Variants in ZSCAN18 observed in about 807,000 individuals in gnomAD.
ZSCAN18 encodes the protein zinc finger and SCAN domain containing 18.
A neutral mutation model predicts 31.1 loss-of-function variants in ZSCAN18; 16 were observed. The ratio of observed to expected loss-of-function variants is 0.51; its 90% CI spans 0.35 to 0.78. The LOEUF (loss-of-function observed/expected upper bound fraction) is 0.78, where lower values mean the gene tolerates loss of function less well. Among genes scored for constraint, ZSCAN18 ranks in the 30% least tolerant of loss-of-function variants. The pLI is 0.01. For missense variants in ZSCAN18, 731 were observed against 697.4 expected (o/e 1.05, Z -0.54); for synonymous variants, 375 against 320.7 (o/e 1.17, Z -1.81).
chr19:58,112,043 T>C (rs2074687362), intron 1 of ZSCAN18, among the ~76,000 whole-genome samples: 1 of 152,194 alleles, frequency 6.6e-6, no homozygotes, highest in South Asian at 2.1e-4. Context: ...TATTTTACTT[T>C]TTTGTTTTTG....
chr19:58,108,069 T>C (rs528192108), intron 1 of ZSCAN18: 1 of 997,014 alleles, frequency 1.0e-6, no homozygotes, highest in Non-Finnish European at 1.2e-6. Context: ...CAGTGAAAGA[T>C]TTTTTCACAT....
At chr19:58,102,842 C>T (rs1353116635), upstream of ZSCAN18, among the ~76,000 whole-genome samples, 4 of 152,108 alleles carry the variant, frequency 2.6e-5, no homozygotes, top group African/African-American at 9.7e-5. Context: ...TAATAAAAGG[C>T]TGCCTGAGGC....
upstream of ZSCAN18, among the ~76,000 whole-genome samples, chr19:58,102,751 G>A (rs2074605556): frequency 6.7e-6 from 1 of 148,780 alleles, no homozygotes; most frequent in Admixed American, 6.9e-5. Flanking sequence ...ACTCTCACTA[G>A]TCATTCAATT....
At chr19:58,097,972 C>T in intron 1 of ZSCAN18, 1 of 985,476 alleles carries the variant, frequency 1.0e-6, no homozygotes, top group East Asian at 1.1e-4. Flanking sequence ...CAGCCACCTC[C>T]GGGGGGACCC....
In ZSCAN18 at chr19:58,089,878, G is replaced by A; in HGVS notation, c.390C>T (p.Val130=). 8.7e-6 allele frequency: 14 copies of A among 1,610,238 alleles called. No individual in the cohort carries two copies. Among genetic ancestry groups the A allele is most frequent in the Non-Finnish European group, 1.0e-5 (12 of 1,177,382 alleles). The change falls in exon 2 of 7, where the codon GTC becomes GTT. Residue 130 remains valine (V), a synonymous_variant. Transcript: ENST00000601144. The stretch of plus-strand genomic sequence containing the variant: ...GTGACAGCCCACCTGGCTCTTCCAG[G>A]ACATCAGCGAGGCCCTCCACCAGGG... ...AASLVEGLAD[V]LEEPGMLLGS...
chr19:58,113,579 G>T (rs977852386), intron 1 of ZSCAN18, among the ~76,000 whole-genome samples: 2 of 152,148 alleles, frequency 1.3e-5, no homozygotes, highest in Middle Eastern at 3.2e-3. Flanking sequence ...GGGGAGGCAG[G>T]TTTGCTTGAC....
At chr19:58,092,222 T>C (rs1403385611) in intron 1 of ZSCAN18, among the ~76,000 whole-genome samples, 1 of 152,120 alleles carries the variant, frequency 6.6e-6, no homozygotes, top group Admixed American at 6.6e-5. Flanking sequence ...CCACTTTAAA[T>C]AGGTAAACCT....
intron 1 of ZSCAN18, among the ~76,000 whole-genome samples, chr19:58,106,106 T>C (rs1341596045): frequency 1.3e-5 from 2 of 152,174 alleles, no homozygotes; most frequent in East Asian, 1.9e-4. Flanking sequence ...CTAGATGCCA[T>C]TAAGAGCATT....
chr19:58,088,372 G>A (rs534134445), intron 3 of ZSCAN18: 20 of 257,160 alleles, frequency 7.8e-5, no homozygotes, highest in Non-Finnish European at 1.1e-4. Context: ...GGAGACATGA[G>A]GGGACGTGCA....
At chr19:58,087,043 G>T in intron 4 of ZSCAN18, 35 bp from the exon 5 acceptor site, 2 of 1,532,756 alleles carry the variant, frequency 1.3e-6, no homozygotes, top group Non-Finnish European at 1.8e-6. Context: ...CCTCCCACCT[G>T]CCCTAGAGAA....
At position 58,112,002 on chromosome 19, in the gene ZSCAN18, C is replaced by G. The variant is rs114635203; in HGVS notation, c.130+6265G>C. Reference sequence around the variant, plus strand: ...TAAAAGCATTGGACAAAATTCCAAACCCGACCCCTGCCTTTCTTTACTTTT... The same window carrying G: ...TAAAAGCATTGGACAAAATTCCAAAGCCGACCCCTGCCTTTCTTTACTTTT... On this transcript the variant is annotated intron_variant, in intron 1 of 1. Transcript: ENST00000595721. Among the ~76,000 whole-genome samples, 617 of 152,240 alleles carry G rather than the reference C, an allele frequency of 4.1e-3. 4 individuals are homozygous for G. The highest frequency in any genetic ancestry group is 0.014 in the African/African-American group (588 of 41,550).
chr19:58,084,183 C>G lies in ZSCAN18; in HGVS notation c.*502G>C, dbSNP rs11550575. The G allele has an allele frequency of 4.3e-3, 655 of 152,870 alleles. 6 individuals are homozygous for G. The highest frequency in any genetic ancestry group is 0.015 in the African/African-American group (618 of 41,562). 9.5% of individuals were successfully genotyped at this position (152,870 alleles called of 1,614,324 possible). A position where few individuals can be genotyped will look rare whatever the true frequency, so the allele number is the denominator to read the frequency against. Reference sequence around the variant, plus strand: ...GAGCTACTCCATATAGGTAAACACACGCGAGGTAAACTAGGAAACAGCTTC... The same window carrying G: ...GAGCTACTCCATATAGGTAAACACAGGCGAGGTAAACTAGGAAACAGCTTC... On this transcript the variant is annotated 3_prime_UTR_variant, in exon 7 of 7. Coordinates refer to ENST00000601144, the MANE Select transcript of ZSCAN18 (RefSeq NM_001145543.2). The surrounding 1 kb of genome is among the most constrained non-coding windows in gnomAD (Gnocchi z 4.5).
chr19:58,092,740 T>C, intron 1 of ZSCAN18: 1 of 983,194 alleles, frequency 1.0e-6, no homozygotes, highest in Non-Finnish European at 1.2e-6. Flanking sequence ...AGCCATGCCG[T>C]GCCATCATCA....
In ZSCAN18 at chr19:58,090,303, G is replaced by C. The variant is rs750895972; in HGVS notation, c.-36C>G. On this transcript the variant is annotated 5_prime_UTR_variant, in exon 2 of 7. Transcript: ENST00000601144. The surrounding 1 kb of genome is among the most constrained non-coding windows in gnomAD (Gnocchi z 4.7). ...CGGCACTGGAAAATGTGACTGTCTA[G>C]CCAGGGACAAGGTGGCTCCAAAGGA... The C allele has an allele frequency of 6.8e-5, 109 of 1,613,280 alleles. 1 individual carries two copies. Among genetic ancestry groups the C allele is most frequent in the Admixed American group, 1.7e-4 (10 of 59,994 alleles).
intron 1 of ZSCAN18, among the ~76,000 whole-genome samples, chr19:58,094,311 C>T (rs1179550146): frequency 4.0e-5 from 6 of 150,584 alleles, no homozygotes; most frequent in East Asian, 2.0e-4. Flanking sequence ...CTCAGGAGGC[C>T]GAGGCAGGAG....
At chr19:58,087,259 G>A in intron 4 of ZSCAN18, 57 bp downstream of exon 4, 2 of 1,505,832 alleles carry the variant, frequency 1.3e-6, no homozygotes, top group Non-Finnish European at 1.8e-6. Flanking sequence ...TGATGGGGAG[G>A]GGGATGCCTC....
In ZSCAN18 at chr19:58,098,195, C is replaced by A. The variant is rs1000900323; in HGVS notation, c.-141G>T. 1.0e-6 allele frequency: 1 copy of A among 985,536 alleles called. No homozygotes were observed. The highest frequency in any genetic ancestry group is 1.2e-6 in the Non-Finnish European group (1 of 830,016). 61.0% of individuals were successfully genotyped at this position (985,536 alleles called of 1,614,324 possible). A position where few individuals can be genotyped will look rare whatever the true frequency, so the allele number is the denominator to read the frequency against. On this transcript the variant is annotated 5_prime_UTR_variant, in exon 1 of 7. Transcript: ENST00000601144. The stretch of plus-strand genomic sequence containing the variant: ...CCACCTGCTGCGCAGCTACCCCAGG[C>A]CGGTCCCAGCCGCCCGGAGCCCCAG...
intron 1 of ZSCAN18, chr19:58,108,493 C>T: frequency 1.0e-6 from 1 of 985,946 alleles, no homozygotes; most frequent in Non-Finnish European, 1.2e-6. Context: ...AAGGCTTTCC[C>T]ACTTCTTGCA....
intron 1 of ZSCAN18, among the ~76,000 whole-genome samples, chr19:58,105,952 C>A (rs938729543): frequency 2.6e-5 from 4 of 151,458 alleles, no homozygotes; most frequent in Non-Finnish European, 4.4e-5. Flanking sequence ...GCACTCTAGC[C>A]GAGGCAACAG....
Sources: gnomAD v4.1 joint callset for allele counts (sites outside exome capture counted in the v4.1 genomes callset) on GRCh38, gnomAD v4.1.1 for gene constraint, Gnocchi (gnomAD v3.1) non-coding constraint, MANE v1.5 for transcripts, NCBI Gene and HGNC (gene_info 2026-07-23, HGNC 2026-07-21) for gene names.